SEMA6D: variants seen among roughly 807,000 people sequenced by gnomAD.
SEMA6D encodes the protein semaphorin 6D.
Under a neutral mutation model 106.6 loss-of-function variants are expected in SEMA6D, and 35 were observed. That is an observed-to-expected ratio of 0.33 (90% CI 0.25 to 0.44). The LOEUF is 0.44. Ranked by LOEUF, SEMA6D falls within the 20% of genes least tolerant of loss-of-function variation. The pLI, the probability that SEMA6D is intolerant of heterozygous loss-of-function variation, is 1.00. For synonymous variants in SEMA6D, 499 were observed against 487.7 expected (o/e 1.02, Z -0.31); for missense variants, 1,185 against 1,345.9 (o/e 0.88, Z 1.87).
chr15:47,424,178 A>G (rs915694478), intron 2 of SEMA6D, among the ~76,000 whole-genome samples: 1 of 152,092 alleles, frequency 6.6e-6, no homozygotes, highest in Non-Finnish European at 1.5e-5. Context: ...TATGCTAACT[A>G]GGAAAGTGCA....
chr15:47,285,833 C>T (rs1239064685), intron 1 of SEMA6D, among the ~76,000 whole-genome samples: 1 of 152,212 alleles, frequency 6.6e-6, no homozygotes, highest in African/African-American at 2.4e-5. Context: ...TCTATCCTAA[C>T]TTCATACTTC....
chr15:47,194,237 CAT>C, intron 1 of SEMA6D, among the ~76,000 whole-genome samples: 1 of 152,170 alleles, frequency 6.6e-6, no homozygotes, highest in East Asian at 1.9e-4. Flanking sequence ...ATATATATGT[CAT>C]ATATGTGTCA....
Position 47,666,745 on chromosome 15 carries a change from C to A in SEMA6D, c.-55+65849C>A, listed in dbSNP as rs183752685. 7.9e-5 allele frequency among the ~76,000 whole-genome samples: 12 copies of A among 152,306 alleles called. No individual in the cohort carries two copies. The East Asian group carries it at 2.3e-3, about 29-fold the overall frequency. On this transcript the variant is annotated intron_variant, in intron 4 of 19. Transcript: ENST00000558014. ...TGTTCTTTCTCCCTATTCTTTACAT[C>A]TAGGGAATGTATGTTCCTCACATGA...
intron 17 of SEMA6D, 72 bp downstream of exon 17, chr15:47,767,165 C>A (rs923691123): frequency 5.0e-6 from 5 of 1,010,072 alleles, no homozygotes; most frequent in Non-Finnish European, 7.4e-6. Flanking sequence ...AGCCCCTTCT[C>A]CCCTCCTTTT....
chr15:47,278,268 G>A (rs893945419), intron 1 of SEMA6D, among the ~76,000 whole-genome samples: 17 of 152,250 alleles, frequency 1.1e-4, no homozygotes, highest in African/African-American at 4.1e-4. Flanking sequence ...ATCCTCTCCA[G>A]CACCTGTTGT....
chr15:47,363,322 G>GA (rs2038880955), intron 1 of SEMA6D, among the ~76,000 whole-genome samples: 1 of 152,180 alleles, frequency 6.6e-6, no homozygotes, highest in Non-Finnish European at 1.5e-5. Context: ...GAATAACCAT[G>GA]AAACACTTAT....
intron 1 of SEMA6D, among the ~76,000 whole-genome samples, chr15:47,275,759 G>A (rs960062965): frequency 1.8e-4 from 28 of 152,126 alleles, no homozygotes; most frequent in African/African-American, 6.8e-4. Flanking sequence ...GTATTCAAGT[G>A]ATAGGAAAAG....
chr15:47,538,326 A>G (rs1427188712), intron 3 of SEMA6D, among the ~76,000 whole-genome samples: 3 of 152,142 alleles, frequency 2.0e-5, no homozygotes, highest in Non-Finnish European at 4.4e-5. Flanking sequence ...AGAAAGTTTG[A>G]AGAAGTTGGG....
intron 4 of SEMA6D, among the ~76,000 whole-genome samples, chr15:47,647,480 G>C (rs149760961): frequency 1.6e-3 from 241 of 152,274 alleles, no homozygotes; most frequent in East Asian, 3.5e-3. Context: ...GAGTATTTTT[G>C]TGCATGTGCA....
chr15:47,342,696 A>G (rs1472739731), intron 1 of SEMA6D, among the ~76,000 whole-genome samples: 2 of 152,076 alleles, frequency 1.3e-5, no homozygotes, highest in African/African-American at 2.4e-5. Context: ...ACCCTACACT[A>G]AATCGCTCAA....
chr15:47,277,606 A>T (rs1315624075), intron 1 of SEMA6D, among the ~76,000 whole-genome samples: 4 of 102,366 alleles, frequency 3.9e-5, no homozygotes, highest in South Asian at 3.5e-4. Context: ...TATTATTATT[A>T]TTATTATTTA....
chr15:47,625,250 T>C (rs1183562057), intron 4 of SEMA6D, among the ~76,000 whole-genome samples: 1 of 152,196 alleles, frequency 6.6e-6, no homozygotes, highest in Non-Finnish European at 1.5e-5. Flanking sequence ...CTAATTGTTA[T>C]ATGCTATGAT....
chr15:47,703,636 AGG>A (rs2078858903), intron 4 of SEMA6D, among the ~76,000 whole-genome samples: 1 of 152,212 alleles, frequency 6.6e-6, no homozygotes, highest in Non-Finnish European at 1.5e-5. Flanking sequence ...ATTTACATAA[AGG>A]AAAGTAGAAA....
chr15:47,464,916 C>T (rs545145507), intron 2 of SEMA6D, among the ~76,000 whole-genome samples: 1 of 152,228 alleles, frequency 6.6e-6, no homozygotes, highest in East Asian at 1.9e-4. Flanking sequence ...TATTAAGAGA[C>T]TCTTAAGTTT....
chr15:47,278,926 A>T (rs1040214511), intron 1 of SEMA6D, among the ~76,000 whole-genome samples: 1 of 145,072 alleles, frequency 6.9e-6, no homozygotes. Context: ...ATAGTTGTAG[A>T]TATGCGGCGT....
At chr15:47,187,017 T>C (rs1295289819) in intron 1 of SEMA6D, among the ~76,000 whole-genome samples, 7 of 152,192 alleles carry the variant, frequency 4.6e-5, no homozygotes, top group Non-Finnish European at 1.0e-4. Flanking sequence ...AAAAAAGTCC[T>C]TGTGAAGCCA....
intron 3 of SEMA6D, among the ~76,000 whole-genome samples, chr15:47,529,659 C>G (rs911390876): frequency 7.1e-6 from 1 of 141,226 alleles, no homozygotes; most frequent in African/African-American, 2.6e-5. Flanking sequence ...TTTTACTTTT[C>G]TTAATTTATT....
intron 2 of SEMA6D, among the ~76,000 whole-genome samples, chr15:47,432,889 A>G (rs1199845247): frequency 2.6e-5 from 4 of 152,150 alleles, no homozygotes; most frequent in Non-Finnish European, 4.4e-5. Flanking sequence ...TTATTTTTCA[A>G]ACTAAAATAA....
intron 1 of SEMA6D, among the ~76,000 whole-genome samples, chr15:47,235,667 C>T (rs1175939353): frequency 6.6e-6 from 1 of 152,006 alleles, no homozygotes; most frequent in Non-Finnish European, 1.5e-5. Flanking sequence ...TATTCTGTTC[C>T]ATTGATCTAT....
Sources: gnomAD v4.1 joint callset for allele counts (sites outside exome capture counted in the v4.1 genomes callset) on GRCh38, gnomAD v4.1.1 for gene constraint, MANE v1.5 for transcripts, NCBI Gene and HGNC (gene_info 2026-07-23, HGNC 2026-07-21) for gene names.